The following COL23A1 variants were observed in gnomAD, a reference collection of about 807,000 sequenced individuals.
COL23A1 encodes collagen type XXIII alpha 1 chain, also known as collagen alpha-1(XXIII) chain.
In COL23A1, 97 loss-of-function variants were observed where a neutral mutation model predicts 99.3. The observed-to-expected ratio is 0.98, with a 90% confidence interval of 0.83 to 1.16. The LOEUF is 1.16. Ranked by LOEUF, COL23A1 falls within the 50% of genes most tolerant of loss-of-function variation. COL23A1 has a pLI of 0.00. For missense variants in COL23A1, 762 were observed against 757.4 expected, an observed-to-expected ratio of 1.01 and a Z score of -0.07; for synonymous variants, 320 against 308.2, an observed-to-expected ratio of 1.04 and a Z score of -0.40.
At position 178,531,795 on chromosome 5, in the gene COL23A1, A is replaced by G. The variant is rs575762217; in HGVS notation, c.361+28887T>C. Among the ~76,000 whole-genome samples, 9 of 152,320 alleles carry G rather than the reference A, an allele frequency of 5.9e-5. No homozygotes were observed. The South Asian group carries it at 1.4e-3, about 25-fold the overall frequency. ...TGCTAGGCTGCCCTTGCTGCGAGCGAGTGCATCCTTGCCCATCCTCGGCCT... is the reference window on the plus strand; with the variant it reads ...TGCTAGGCTGCCCTTGCTGCGAGCGGGTGCATCCTTGCCCATCCTCGGCCT... On this transcript the variant is annotated intron_variant, in intron 2 of 28. Coordinates refer to ENST00000390654, the MANE Select transcript of COL23A1 (RefSeq NM_173465.4).
intron 2 of COL23A1, among the ~76,000 whole-genome samples, chr5:178,491,541 A>G (rs1473825260): frequency 6.6e-6 from 1 of 151,958 alleles, no homozygotes; most frequent in Non-Finnish European, 1.5e-5. Flanking sequence ...TCTGGCCCAA[A>G]AGCTTCTGTG....
Position 178,380,391 on chromosome 5 carries a change from A to ATTTG in COL23A1, c.362-73476_362-73473dup, listed in dbSNP as rs1473013568. Among the ~76,000 whole-genome samples the ATTTG allele has an allele frequency of 9.2e-5, 11 of 119,244 alleles. No individual in the cohort carries two copies. In the Admixed American group the frequency reaches 1.1e-3, roughly 11 times the overall value. 78.2% of individuals were successfully genotyped at this position (119,244 alleles called of 152,430 possible). ...TTATCCTTGGATTTCTAGAGCATGC[A>ATTTG]TTTGTGTGTGTGTGTGTGTGTGTGT... On this transcript the variant is annotated intron_variant, in intron 2 of 28. Coordinates refer to ENST00000390654, the MANE Select transcript of COL23A1 (RefSeq NM_173465.4).
At chr5:178,251,464 T>C (rs1278750883) in intron 17 of COL23A1, among the ~76,000 whole-genome samples, 2 of 152,178 alleles carry the variant, frequency 1.3e-5, no homozygotes, top group Non-Finnish European at 2.9e-5. Context: ...AAATAATCCA[T>C]GAATAAATCA....
intron 2 of COL23A1, among the ~76,000 whole-genome samples, chr5:178,471,507 C>T (rs2546638): frequency 6.6e-6 from 1 of 151,174 alleles, no homozygotes; most frequent in South Asian, 2.1e-4. Context: ...CCAAAGTGCT[C>T]GGATTACGGG....
chr5:178,276,370 G>A (rs1193858197), intron 5 of COL23A1, among the ~76,000 whole-genome samples: 2 of 152,214 alleles, frequency 1.3e-5, no homozygotes, highest in South Asian at 2.1e-4. Context: ...TAATGCTGAC[G>A]GTTCCTGTGA....
At chr5:178,368,103 AG>A (rs1033748304) in intron 2 of COL23A1, among the ~76,000 whole-genome samples, 16 of 152,214 alleles carry the variant, frequency 1.1e-4, no homozygotes, top group African/African-American at 3.9e-4. Context: ...ATGCGTCGAA[AG>A]GGCAGGCAAG....
chr5:178,357,936 A>AATG (rs1761803581), intron 2 of COL23A1, among the ~76,000 whole-genome samples: 1 of 116,560 alleles, frequency 8.6e-6, no homozygotes, highest in Non-Finnish European at 1.9e-5. Context: ...GTGTATGTGT[A>AATG]TGTATGTGTG....
chr5:178,472,884 G>C (rs1487904359), intron 2 of COL23A1, among the ~76,000 whole-genome samples: 2 of 152,140 alleles, frequency 1.3e-5, no homozygotes, highest in East Asian at 1.9e-4. Flanking sequence ...CAACACTTTG[G>C]GAGGCTGAGG....
In COL23A1 at chr5:178,306,202, A is replaced by G. The variant is rs945754585; in HGVS notation, c.406+673T>C. On this transcript the variant is annotated intron_variant, in intron 3 of 28. Transcript: ENST00000390654. The surrounding 1 kb of genome is among the most constrained non-coding windows in gnomAD (Gnocchi z 4.1). ...GCAGCCCAGACAGCCGGGACTGCCCAGCATGGGGGAGTGGCCAAGGGTGGG... is the reference window on the plus strand; with the variant it reads ...GCAGCCCAGACAGCCGGGACTGCCCGGCATGGGGGAGTGGCCAAGGGTGGG... Among the ~76,000 whole-genome samples, 1 of 152,160 alleles carries G rather than the reference A, an allele frequency of 6.6e-6. No individual in the cohort carries two copies. Among genetic ancestry groups the G allele is most frequent in the African/African-American group, 2.4e-5 (1 of 41,428 alleles).
chr5:178,372,505 T>C, intron 2 of COL23A1, among the ~76,000 whole-genome samples: 1 of 152,112 alleles, frequency 6.6e-6, no homozygotes, highest in Non-Finnish European at 1.5e-5. Context: ...AACGAAATCC[T>C]GGGGGGCGGG....
At chr5:178,351,840 T>TA (rs1761344886) in intron 2 of COL23A1, 1 of 152,086 alleles carries the variant, frequency 6.6e-6, no homozygotes, top group African/African-American at 2.4e-5. Flanking sequence ...AATGAGGTCA[T>TA]AAGGCAGGGC....
At chr5:178,373,656 T>A (rs1240193732) in intron 2 of COL23A1, among the ~76,000 whole-genome samples, 1 of 152,174 alleles carries the variant, frequency 6.6e-6, no homozygotes, top group Non-Finnish European at 1.5e-5. Context: ...CCTCAGGTGA[T>A]CCGCCTGCCT....
chr5:178,358,627 ATG>A (rs749807565), intron 2 of COL23A1, among the ~76,000 whole-genome samples: 4,114 of 133,368 alleles, frequency 0.031, 77 homozygotes, highest in South Asian at 0.055. Flanking sequence ...GTATGTGTGT[ATG>A]TGTCTAGTGT....
Position 178,468,640 on chromosome 5 carries a change from C to G in COL23A1, c.361+92042G>C, listed in dbSNP as rs558569894. 3.2e-4 allele frequency among the ~76,000 whole-genome samples: 49 copies of G among 152,286 alleles called. No homozygotes were observed. The highest frequency in any genetic ancestry group is 1.2e-3 in the African/African-American group (49 of 41,560). ...CCCCCAGGCAGCCTGGAGGGAAGGG[C>G]CGGGTCCGAGGTCACGGAGCCTGCA... On this transcript the variant is annotated intron_variant, in intron 2 of 28. Coordinates refer to ENST00000390654, the MANE Select transcript of COL23A1 (RefSeq NM_173465.4). This position sits in a 1 kb window ranked among gnomAD's most constrained non-coding sequence, Gnocchi z 4.2.
At chr5:178,503,100 G>GGCCA (rs1405649518) in intron 2 of COL23A1, among the ~76,000 whole-genome samples, 1 of 152,234 alleles carries the variant, frequency 6.6e-6, no homozygotes, top group Non-Finnish European at 1.5e-5. Flanking sequence ...CGTCAATGCT[G>GGCCA]GCCAGACACA....
At position 178,340,885 on chromosome 5, in the gene COL23A1, G is replaced by A. The variant is rs1384477848; in HGVS notation, c.362-33966C>T. Reference sequence around the variant, plus strand: ...GCCAGGCAGCATGGCTGATGTGCATGGGCGCGGGGCTCAAGGTCAGACCCC... The same window carrying A: ...GCCAGGCAGCATGGCTGATGTGCATAGGCGCGGGGCTCAAGGTCAGACCCC... On this transcript the variant is annotated intron_variant, in intron 2 of 28. Coordinates refer to ENST00000390654, the MANE Select transcript of COL23A1 (RefSeq NM_173465.4). The surrounding 1 kb of genome is among the most constrained non-coding windows in gnomAD (Gnocchi z 4.7). Among the ~76,000 whole-genome samples the A allele has an allele frequency of 2.0e-5, 3 of 152,226 alleles. No individual in the cohort carries two copies. The highest frequency in any genetic ancestry group is 6.5e-5 in the Admixed American group (1 of 15,286).
At position 178,383,015 on chromosome 5, in the gene COL23A1, C is replaced by T. The variant is rs553424955; in HGVS notation, c.362-76096G>A. Among the ~76,000 whole-genome samples, 51 of 152,144 alleles carry T rather than the reference C, an allele frequency of 3.4e-4. No homozygotes were observed. In the South Asian group the frequency reaches 8.9e-3, roughly 27 times the overall value. On this transcript the variant is annotated intron_variant, in intron 2 of 28. Coordinates refer to ENST00000390654, the MANE Select transcript of COL23A1 (RefSeq NM_173465.4). ...TCCACCTGTCGGGGCTGGCTGGGCT[C>T]CTGAAAAGCTGACAGGAGCCAGGGG...
chr5:178,259,846 G>C, intron 11 of COL23A1, 99 bp from the exon 12 acceptor site: 2 of 1,169,562 alleles, frequency 1.7e-6, no homozygotes, highest in South Asian at 1.7e-5. Context: ...TGGCACTGAT[G>C]ACCCGTGCCC....
chr5:178,296,192 TCTGAGAGCCTGAGGTC>T (rs1469264226), intron 3 of COL23A1, among the ~76,000 whole-genome samples: 1 of 152,206 alleles, frequency 6.6e-6, no homozygotes, highest in Non-Finnish European at 1.5e-5. Flanking sequence ...GGATTATTAT[TCTGAGAGCCTGAGGTC>T]CTGAGAGCAG....
Sources: gnomAD v4.1 joint callset for allele counts (sites outside exome capture counted in the v4.1 genomes callset) on GRCh38, gnomAD v4.1.1 for gene constraint, Gnocchi (gnomAD v3.1) non-coding constraint, MANE v1.5 for transcripts, NCBI Gene and HGNC (gene_info 2026-07-23, HGNC 2026-07-21) for gene names.